BICRAL: variants seen among roughly 807,000 people sequenced by gnomAD.
The protein encoded by BICRAL is BICRA like chromatin remodeling complex associated protein, also known as BRD4-interacting chromatin-remodeling complex-associated protein-like.
In BICRAL, 8 loss-of-function variants were observed where a neutral mutation model predicts 91.8. The observed-to-expected ratio is 0.09, with a 90% CI of 0.05 to 0.16. BICRAL has a LOEUF of 0.16. Ranked by LOEUF, BICRAL falls within the 10% of genes least tolerant of loss-of-function variation. The pLI is 1.00. For missense variants in BICRAL, 1,038 were observed against 1,310.9 expected, an observed-to-expected ratio of 0.79 and a Z score of 3.21; for synonymous variants, 445 against 491.1, an observed-to-expected ratio of 0.91 and a Z score of 1.24.
intron 1 of BICRAL, among the ~76,000 whole-genome samples, chr6:42,767,551 T>C (rs1015078105): frequency 6.6e-6 from 1 of 152,194 alleles, no homozygotes; most frequent in Non-Finnish European, 1.5e-5. Context: ...GAGTGTCTGC[T>C]ACCTGCAACA....
intron 2 of BICRAL, among the ~76,000 whole-genome samples, chr6:42,811,317 G>C (rs113747227): frequency 3.5e-4 from 53 of 152,106 alleles, no homozygotes; most frequent in African/African-American, 1.3e-3. Context: ...TGATGTCTCT[G>C]AGAGGTTAAA....
In BICRAL at chr6:42,864,815, C is replaced by T. The variant is rs1217583940; in HGVS notation, c.2609C>T (p.Thr870Met). 34 of 1,614,038 alleles carry T rather than the reference C, an allele frequency of 2.1e-5. No homozygotes were observed. Among genetic ancestry groups the T allele is most frequent in the Non-Finnish European group, 2.5e-5 (29 of 1,180,032 alleles). ...AGAGACCGAGCCAAAACCGGTGTGACGGAACCCATGAATCATGACCAGTTT... is the reference window on the plus strand; with the variant it reads ...AGAGACCGAGCCAAAACCGGTGTGATGGAACCCATGAATCATGACCAGTTT... Reference protein sequence around the residue: ...QGRDRAKTGVTEPMNHDQFHL... With the variant: ...QGRDRAKTGVMEPMNHDQFHL... Residue 870 changes from threonine to methionine, a missense_variant, in exon 13 of 13, where the codon ACG becomes ATG. By Grantham distance (81) the Thr-to-Met change is moderately conservative. This residue lies in a region of BICRAL where 294 missense variants were observed against 292.6 expected (regional missense o/e 1.00). Transcript: ENST00000314073.
chr6:42,803,418 CA>C (rs1206335228), intron 1 of BICRAL, among the ~76,000 whole-genome samples: 1 of 152,102 alleles, frequency 6.6e-6, no homozygotes, highest in Admixed American at 6.6e-5. Context: ...AAGGGTCCAG[CA>C]TTAGTCAGTG....
At chr6:42,807,560 TAC>T (rs1477567295) in intron 1 of BICRAL, among the ~76,000 whole-genome samples, 2 of 151,968 alleles carry the variant, frequency 1.3e-5, no homozygotes, top group Non-Finnish European at 2.9e-5. Flanking sequence ...TTCTAAAAGA[TAC>T]AGATTCTTTT....
At chr6:42,772,222 A>G (rs1425361749) in intron 1 of BICRAL, among the ~76,000 whole-genome samples, 1 of 132,592 alleles carries the variant, frequency 7.5e-6, no homozygotes, top group African/African-American at 3.0e-5. Context: ...GTAGGTTTAG[A>G]TATTTTTTTT....
rs756290983 is a variant in BICRAL, at chr6:42,808,132, C to CT, written c.-101-2158dup. Among the ~76,000 whole-genome samples the CT allele has an allele frequency of 6.1e-3, 855 of 139,164 alleles. 2 individuals carry two copies. The highest frequency in any genetic ancestry group is 0.015 in the Middle Eastern group (4 of 262). 91.3% of individuals were successfully genotyped at this position (139,164 alleles called of 152,430 possible). A position where few individuals can be genotyped will look rare whatever the true frequency, so the allele number is the denominator to read the frequency against. ...GTTTTTGAGGGTAGTACTATAATAT[C>CT]TTTTTTTTTTTTTTTTAATACGGAG... On this transcript the variant is annotated intron_variant, in intron 1 of 12. Coordinates refer to ENST00000314073, the MANE Select transcript of BICRAL (RefSeq NM_001393499.1).
intron 6 of BICRAL, among the ~76,000 whole-genome samples, chr6:42,832,976 C>T (rs1387315259): frequency 6.6e-6 from 1 of 151,914 alleles, no homozygotes; most frequent in Non-Finnish European, 1.5e-5. Flanking sequence ...CAAGAGAAAA[C>T]AAATTATTTG....
chr6:42,864,862 G>A lies in BICRAL; in HGVS notation c.2656G>A (p.Val886Met), dbSNP rs747872038. The stretch of plus-strand genomic sequence containing the variant: ...GTTTCATCTAGTGCCTAATCACATC[G>A]TGGTCTCTGCAGAAGGAAACATTTC... ...DQFHLVPNHIVVSAEGNISKK... is the reference protein window; with the variant it reads ...DQFHLVPNHIMVSAEGNISKK... The change falls in exon 13 of 13, where the codon GTG (valine) becomes ATG (methionine). Residue 886 changes from valine to methionine, a missense_variant. By Grantham distance (21) the Val-to-Met change is conservative. Coordinates refer to ENST00000314073, the MANE Select transcript of BICRAL (RefSeq NM_001393499.1). The A allele has an allele frequency of 2.5e-6, 4 of 1,614,086 alleles. No homozygotes were observed. Among genetic ancestry groups the A allele is most frequent in the South Asian group, 2.2e-5 (2 of 91,074 alleles).
Position 42,855,853 on chromosome 6 carries a change from T to C in BICRAL, c.2047-3T>C. On this transcript the variant is annotated splice_region_variant and splice_polypyrimidine_tract_variant and intron_variant, in intron 8 of 12. Coordinates refer to ENST00000314073, the MANE Select transcript of BICRAL (RefSeq NM_001393499.1). ...AATAATAAGAGGTTTGTTTTGTCTT[T>C]AGGTGGAGAGTCATTCGGGAGGACA... 9.3e-6 allele frequency: 15 copies of C among 1,611,886 alleles called. No individual in the cohort carries two copies. The highest frequency in any genetic ancestry group is 1.3e-5 in the Non-Finnish European group (15 of 1,178,050).
intron 1 of BICRAL, among the ~76,000 whole-genome samples, chr6:42,782,495 G>A (rs1762943911): frequency 6.6e-6 from 1 of 151,292 alleles, no homozygotes; most frequent in Non-Finnish European, 1.5e-5. Context: ...GGCGCAGGCG[G>A]GCAGGGGGCG....
Position 42,783,988 on chromosome 6 carries a change from C to T in BICRAL, c.-102+1887C>T, listed in dbSNP as rs182440728. ...CAAAACTAAAAAAAAGAGTCCAGGA[C>T]ATTGTCTGTCTGCCTTCCGGTAGCA... On this transcript the variant is annotated intron_variant, in intron 1 of 12. Transcript: ENST00000314073. Among the ~76,000 whole-genome samples the T allele has an allele frequency of 2.0e-5, 3 of 152,234 alleles. No individual in the cohort carries two copies. The East Asian group carries it at 5.8e-4, about 29-fold the overall frequency.
At chr6:42,765,705 A>G (rs929080620) in intron 1 of BICRAL, among the ~76,000 whole-genome samples, 3 of 152,174 alleles carry the variant, frequency 2.0e-5, no homozygotes, top group Non-Finnish European at 2.9e-5. Flanking sequence ...GAGCCACTGT[A>G]GGACTTCATG....
In BICRAL at chr6:42,866,538, C is replaced by T. The variant is rs1765714824; in HGVS notation, c.*1092C>T. On this transcript the variant is annotated 3_prime_UTR_variant, in exon 13 of 13. Transcript: ENST00000314073. Reference sequence around the variant, plus strand: ...TTTTTCAGTTTAAACTTTAAGGAGACTCTGGCCTTGTTTATGCTTCTTGTC... The same window carrying T: ...TTTTTCAGTTTAAACTTTAAGGAGATTCTGGCCTTGTTTATGCTTCTTGTC... 5.0e-6 allele frequency: 1 copy of T among 201,792 alleles called. No individual in the cohort carries two copies. Among genetic ancestry groups the T allele is most frequent in the Non-Finnish European group, 1.0e-5 (1 of 96,418 alleles). The allele number at this position is 201,792 out of a possible 1,614,324, so 12.5% of individuals were successfully genotyped here.
intron 1 of BICRAL, among the ~76,000 whole-genome samples, chr6:42,782,615 CG>C (rs1427441922): frequency 2.0e-5 from 1 of 49,624 alleles, no homozygotes; most frequent in Non-Finnish European, 4.0e-5. Flanking sequence ...AGGGAGAGCC[CG>C]GGAAGGGGGT....
upstream of BICRAL, among the ~76,000 whole-genome samples, chr6:42,781,596 G>GGTGTGTGTGT (rs61437847): frequency 3.7e-4 from 38 of 103,482 alleles, no homozygotes; most frequent in South Asian, 6.8e-4. Flanking sequence ...TGGGTGGGTG[G>GGTGTGTGTGT]GTGTGTGTGT....
intron 1 of BICRAL, among the ~76,000 whole-genome samples, chr6:42,760,241 CAA>C (rs886705196): frequency 2.0e-5 from 3 of 148,338 alleles, no homozygotes; most frequent in African/African-American, 7.5e-5. Context: ...GCCTGGGCAA[CAA>C]GAGCAAAACT....
At chr6:42,861,293 C>CA (rs1331218846) in intron 11 of BICRAL, among the ~76,000 whole-genome samples, 1 of 152,176 alleles carries the variant, frequency 6.6e-6, no homozygotes, top group African/African-American at 2.4e-5. Context: ...GCCTGGGTGA[C>CA]AGAGTGAGAC....
chr6:42,823,401 T>A (rs1764199746), intron 5 of BICRAL, among the ~76,000 whole-genome samples: 1 of 152,146 alleles, frequency 6.6e-6, no homozygotes, highest in Non-Finnish European at 1.5e-5. Flanking sequence ...GAATTACAGG[T>A]ATGAGCCACT....
At chr6:42,783,644 C>T (rs1327487115) in intron 1 of BICRAL, among the ~76,000 whole-genome samples, 1 of 152,194 alleles carries the variant, frequency 6.6e-6, no homozygotes, top group Non-Finnish European at 1.5e-5. Flanking sequence ...GCGCGGCCTT[C>T]TCCTTCCCCA....
Sources: allele counts gnomAD v4.1 joint callset (sites outside exome capture counted in the v4.1 genomes callset), GRCh38; gene constraint gnomAD v4.1.1; regional missense constraint gnomAD v4.1.1; transcripts MANE v1.5; gene names NCBI Gene and HGNC (gene_info 2026-07-23, HGNC 2026-07-21).